Variants in DGLUCY observed in about 807,000 individuals in gnomAD.
DGLUCY encodes the protein D-glutamate cyclase, mitochondrial.
Under a neutral mutation model 58.5 loss-of-function variants are expected in DGLUCY, and 58 were observed. The ratio of observed to expected loss-of-function variants is 0.99; its 90% CI spans 0.80 to 1.23. DGLUCY has a LOEUF of 1.23. Among genes scored for constraint, DGLUCY ranks in the 50% most tolerant of loss-of-function variants. The probability of loss-of-function intolerance (pLI) is 0.00; values close to 1 mark genes in which losing one functional copy is unlikely to be tolerated. For synonymous variants in DGLUCY, 325 were observed against 314.1 expected, an observed-to-expected ratio of 1.03 and a Z score of -0.37; for missense variants, 779 against 784.7, an observed-to-expected ratio of 0.99 and a Z score of 0.09.
intron 10 of DGLUCY, among the ~76,000 whole-genome samples, chr14:91,196,893 A>G (rs572257083): frequency 9.7e-4 from 147 of 152,252 alleles, no homozygotes; most frequent in African/African-American, 3.2e-3. Flanking sequence ...TTGTATAGTA[A>G]TGGCAAGTAC....
chr14:91,208,295 A>AG (rs773679920), intron 12 of DGLUCY, among the ~76,000 whole-genome samples: 1 of 152,250 alleles, frequency 6.6e-6, no homozygotes, highest in Non-Finnish European at 1.5e-5. Flanking sequence ...GTATCAGTGA[A>AG]TAAAATAAGT....
At chr14:91,221,703 A>C (rs988221260) in intron 13 of DGLUCY, among the ~76,000 whole-genome samples, 1 of 152,140 alleles carries the variant, frequency 6.6e-6, no homozygotes, top group Non-Finnish European at 1.5e-5. Context: ...CTGGGCTCCC[A>C]TTCTCTTTCA....
intron 1 of DGLUCY, among the ~76,000 whole-genome samples, chr14:91,138,134 G>C (rs1413164777): frequency 2.0e-5 from 3 of 152,112 alleles, no homozygotes; most frequent in Non-Finnish European, 2.9e-5. Context: ...AATGTTCTGG[G>C]CACTAAGGTA....
chr14:91,200,352 G>T (rs537918738), intron 11 of DGLUCY, among the ~76,000 whole-genome samples: 1 of 152,124 alleles, frequency 6.6e-6, no homozygotes, highest in East Asian at 1.9e-4. Flanking sequence ...CATTACGGTT[G>T]GTATAGACAC....
intron 5 of DGLUCY, among the ~76,000 whole-genome samples, chr14:91,172,742 G>C (rs1324821301): frequency 6.6e-6 from 1 of 151,938 alleles, no homozygotes; most frequent in Non-Finnish European, 1.5e-5. Flanking sequence ...CGCCTCCTGG[G>C]TTCAAGCCGT....
At chr14:91,104,064 T>TTTTTTTCTTTTC (rs2044541100), upstream of DGLUCY, among the ~76,000 whole-genome samples, 1 of 113,948 alleles carries the variant, frequency 8.8e-6, no homozygotes. Flanking sequence ...AAACATTCTT[T>TTTTTTTCTTTTC]TTTTTTTTTT....
chr14:91,183,997 TC>T (rs2049335890), intron 8 of DGLUCY, among the ~76,000 whole-genome samples: 1 of 151,612 alleles, frequency 6.6e-6, no homozygotes, highest in South Asian at 2.1e-4. Flanking sequence ...ATATGTGGCC[TC>T]CCCACCGGCC....
chr14:91,120,869 C>G (rs1176645791), intron 1 of DGLUCY, among the ~76,000 whole-genome samples: 1 of 152,186 alleles, frequency 6.6e-6, no homozygotes. Flanking sequence ...CAAATACTTA[C>G]GACAGAGGGT....
chr14:91,205,842 CTTT>C lies in DGLUCY; in HGVS notation c.1564+1038_1564+1040del, dbSNP rs36096639. On this transcript the variant is annotated intron_variant, in intron 12 of 13. Coordinates refer to ENST00000256324, the MANE Select transcript of DGLUCY (RefSeq NM_001102368.3). ...TCCTCCTCCTCCCTTTCTTCTTCTT[CTTT>C]TTTTTTTTTTTTTTTTTTTTGAGCG... Among the ~76,000 whole-genome samples the C allele has an allele frequency of 1.8e-4, 13 of 70,728 alleles. No homozygotes were observed. The South Asian group carries it at 3.7e-3, about 20-fold the overall frequency. The allele number at this position is 70,728 out of a possible 152,430, so 46.4% of individuals were successfully genotyped here. A position where few individuals can be genotyped will look rare whatever the true frequency, so the allele number is the denominator to read the frequency against.
At chr14:91,117,646 T>TACACACACACACAC (rs765720920) in intron 1 of DGLUCY, among the ~76,000 whole-genome samples, 1 of 149,446 alleles carries the variant, frequency 6.7e-6, no homozygotes, top group African/African-American at 2.5e-5. Context: ...TTTGTTCACA[T>TACACACACACACAC]ACACACACAC....
intron 12 of DGLUCY, among the ~76,000 whole-genome samples, chr14:91,213,552 A>AGATACG (rs1220174340): frequency 6.6e-6 from 1 of 152,216 alleles, no homozygotes; most frequent in South Asian, 2.1e-4. Flanking sequence ...ATACATCTCA[A>AGATACG]TTTCAGAGAT....
chr14:91,136,087 A>C (rs1324936773), intron 1 of DGLUCY, among the ~76,000 whole-genome samples: 1 of 151,622 alleles, frequency 6.6e-6, no homozygotes, highest in Non-Finnish European at 1.5e-5. Context: ...GGGGCCCGCC[A>C]CTATGCCCGG....
intron 1 of DGLUCY, among the ~76,000 whole-genome samples, chr14:91,099,164 C>A (rs900177847): frequency 1.3e-5 from 2 of 152,188 alleles, no homozygotes; most frequent in Admixed American, 1.3e-4. Flanking sequence ...ACTTCCTAAC[C>A]TACTGAAGAG....
chr14:91,170,034 T>C lies in DGLUCY; in HGVS notation c.289T>C (p.Phe97Leu). The C allele has an allele frequency of 6.2e-7, 1 of 1,612,184 alleles. No individual in the cohort carries two copies. The highest frequency in any genetic ancestry group is 8.5e-7 in the Non-Finnish European group (1 of 1,179,992). ...CCATCCCCAGTTCTGGAAATACGAG[T>C]TCGGTGCCTGCACCGGCAGCCTGGC... is the stretch of plus-strand genomic sequence containing the variant. ...MGHPQFWKYE[F>L]GACTGSLASL... Residue 97 changes from phenylalanine (F) to leucine (L), a missense_variant, in exon 5 of 14, where the codon TTC becomes CTC. Transcript: ENST00000256324.
intron 5 of DGLUCY, among the ~76,000 whole-genome samples, chr14:91,171,605 C>T (rs981150970): frequency 1.2e-4 from 19 of 152,308 alleles, no homozygotes; most frequent in African/African-American, 4.6e-4. Flanking sequence ...GCAGCCACAC[C>T]GAGGTTCCAT....
intron 8 of DGLUCY, among the ~76,000 whole-genome samples, chr14:91,187,757 C>T (rs918859740): frequency 2.6e-5 from 4 of 152,206 alleles, no homozygotes; most frequent in Non-Finnish European, 5.9e-5. Context: ...GTCTCCTGTC[C>T]TCCGAGGACC....
At chr14:91,193,414 G>A (rs1957783212) in intron 9 of DGLUCY, among the ~76,000 whole-genome samples, 1 of 152,170 alleles carries the variant, frequency 6.6e-6, no homozygotes, top group South Asian at 2.1e-4. Context: ...GTCCTCATGG[G>A]AGCTCAGAGG....
intron 12 of DGLUCY, among the ~76,000 whole-genome samples, chr14:91,209,716 A>T (rs1832195770): frequency 6.6e-6 from 1 of 152,188 alleles, no homozygotes; most frequent in Admixed American, 6.6e-5. Context: ...TCAAAAAACA[A>T]AAAAGAAAAT....
chr14:91,207,342 GA>G (rs891069366), intron 12 of DGLUCY, among the ~76,000 whole-genome samples: 11 of 149,934 alleles, frequency 7.3e-5, no homozygotes, highest in South Asian at 2.1e-4. Flanking sequence ...AGTGCTGGGG[GA>G]AAAAAAAACC....
Sources: allele counts gnomAD v4.1 joint callset (sites outside exome capture counted in the v4.1 genomes callset), GRCh38; gene constraint gnomAD v4.1.1; transcripts MANE v1.5; gene names NCBI Gene and HGNC (gene_info 2026-07-23, HGNC 2026-07-21).